PCNX2: variants seen among roughly 807,000 people sequenced by gnomAD.
PCNX2 encodes pecanex-like protein 2.
PCNX2 carries 168 observed loss-of-function variants against 223.8 expected under a neutral mutation model. The ratio of observed to expected loss-of-function variants is 0.75; its 90% CI spans 0.66 to 0.85. PCNX2 has a LOEUF of 0.85. Ranked by LOEUF, PCNX2 falls within the 40% of genes least tolerant of loss-of-function variation. The probability of loss-of-function intolerance (pLI) is 0.00; values close to 1 mark genes in which losing one functional copy is unlikely to be tolerated. For synonymous variants in PCNX2, 1,006 were observed against 1,052.6 expected, an observed-to-expected ratio of 0.96 and a Z score of 0.86; for missense variants, 2,507 against 2,675.5, an observed-to-expected ratio of 0.94 and a Z score of 1.39.
At position 232,990,652 on chromosome 1, in the gene PCNX2, A is replaced by G. The variant is rs559035537; in HGVS notation, c.5792-4112T>C. ...CTGCTGAGCCCAGATCATGCTTACCACCCAGCCCAGCACCTCAGAGGTTTC... is the reference window on the plus strand; with the variant it reads ...CTGCTGAGCCCAGATCATGCTTACCGCCCAGCCCAGCACCTCAGAGGTTTC... On this transcript the variant is annotated intron_variant, in intron 32 of 33. Transcript: ENST00000258229. This position sits in a 1 kb window ranked among gnomAD's most constrained non-coding sequence, Gnocchi z 4.3. Among the ~76,000 whole-genome samples, 63 of 152,054 alleles carry G rather than the reference A, an allele frequency of 4.1e-4. No individual in the cohort carries two copies. The highest frequency in any genetic ancestry group is 1.5e-3 in the African/African-American group (62 of 41,460).
At chr1:233,274,946 G>A (rs1010467341) in intron 1 of PCNX2, among the ~76,000 whole-genome samples, 2 of 152,184 alleles carry the variant, frequency 1.3e-5, no homozygotes, top group African/African-American at 4.8e-5. Context: ...GGAGACAGAA[G>A]TAGAACCAGC....
chr1:233,293,244 G>A (rs1259820288), intron 1 of PCNX2, among the ~76,000 whole-genome samples: 3 of 152,148 alleles, frequency 2.0e-5, no homozygotes, highest in African/African-American at 7.2e-5. Flanking sequence ...TCTGAGGAGT[G>A]GAATTATAGG....
chr1:233,057,993 G>A (rs1435872981), intron 23 of PCNX2: 2 of 985,250 alleles, frequency 2.0e-6, no homozygotes, highest in Non-Finnish European at 2.4e-6. Flanking sequence ...TCCACCACCT[G>A]CTTTCAAGAG....
chr1:233,161,462 A>T, intron 17 of PCNX2, 99 bp from the exon 18 acceptor site: 2 of 1,030,600 alleles, frequency 1.9e-6, no homozygotes, highest in Admixed American at 2.0e-5. Context: ...CCCAAGATAA[A>T]CTGTTTTTCC....
intron 9 of PCNX2, among the ~76,000 whole-genome samples, chr1:233,232,470 A>G (rs1264319548): frequency 6.6e-6 from 1 of 152,242 alleles, no homozygotes; most frequent in Non-Finnish European, 1.5e-5. Flanking sequence ...TTATAGGGAC[A>G]TAAACCCATT....
chr1:233,066,251 T>C (rs1040892219), intron 23 of PCNX2, among the ~76,000 whole-genome samples: 3 of 152,218 alleles, frequency 2.0e-5, no homozygotes, highest in Non-Finnish European at 4.4e-5. Context: ...AAAAGCACTG[T>C]CACACATCTC....
intron 5 of PCNX2, 65 bp downstream of exon 5, chr1:233,257,963 C>A: frequency 1.3e-6 from 2 of 1,522,882 alleles, no homozygotes; most frequent in Non-Finnish European, 1.8e-6. Flanking sequence ...TTACACAAGG[C>A]AAATGGCAAA....
intron 26 of PCNX2, among the ~76,000 whole-genome samples, chr1:233,024,501 C>T (rs1671015431): frequency 6.6e-6 from 1 of 152,190 alleles, no homozygotes; most frequent in Admixed American, 6.5e-5. Context: ...CTGCCCCTTC[C>T]CCTTCAGAAA....
intron 21 of PCNX2, among the ~76,000 whole-genome samples, chr1:233,120,523 T>C (rs903462795): frequency 1.3e-5 from 2 of 152,206 alleles, no homozygotes; most frequent in African/African-American, 4.8e-5. Flanking sequence ...ATAGCCACTC[T>C]GGCATTTTCC....
At chr1:233,183,382 T>C (rs958988692) in intron 15 of PCNX2, among the ~76,000 whole-genome samples, 2 of 152,204 alleles carry the variant, frequency 1.3e-5, no homozygotes, top group Admixed American at 6.5e-5. Flanking sequence ...CCCTGACATA[T>C]CCTTGCGAGA....
chr1:233,217,344 T>A lies in PCNX2; in HGVS notation c.2691+555A>T, dbSNP rs532726151. ...CCCCATAAGTATATACAATAAATTTTAAAAATAAGAATAATCATTCATGCC... is the reference window on the plus strand; with the variant it reads ...CCCCATAAGTATATACAATAAATTTAAAAAATAAGAATAATCATTCATGCC... On this transcript the variant is annotated intron_variant, in intron 12 of 33. Coordinates refer to ENST00000258229, the MANE Select transcript of PCNX2 (RefSeq NM_014801.4). Among the ~76,000 whole-genome samples the A allele has an allele frequency of 9.9e-4, 151 of 152,246 alleles. 3 individuals are homozygous for A. The highest frequency in any genetic ancestry group is 3.8e-4 in the Non-Finnish European group (26 of 68,022).
chr1:233,070,984 C>T (rs574795491), intron 23 of PCNX2, among the ~76,000 whole-genome samples: 164 of 152,016 alleles, frequency 1.1e-3, no homozygotes, highest in East Asian at 1.9e-3. Context: ...TGCAGTGAGC[C>T]GAGATCATGC....
At chr1:233,014,576 C>A (rs1435528916) in intron 28 of PCNX2, 89 bp downstream of exon 28, 1 of 1,022,124 alleles carries the variant, frequency 9.8e-7, no homozygotes, top group Admixed American at 2.1e-5. Flanking sequence ...AGTCCAGCTT[C>A]AAAATAAAGG....
intron 26 of PCNX2, among the ~76,000 whole-genome samples, chr1:233,017,527 A>G (rs917646445): frequency 6.6e-5 from 10 of 152,068 alleles, no homozygotes; most frequent in South Asian, 2.1e-4. Flanking sequence ...CATGTTAGCC[A>G]GGATGGTCTC....
chr1:233,177,808 A>C lies in PCNX2; in HGVS notation c.3267T>G (p.Asp1089Glu), dbSNP rs1383672648. ...CACAACGCAAATGTCTCACCACTGA[A>C]TCTTTCATCTTCTTGGGGAGAGGGT... ...AADPLPKKMKDSVTDVLKWDL... is the reference protein window; with the variant it reads ...AADPLPKKMKESVTDVLKWDL... The change falls in exon 17 of 34, where the codon GAT becomes GAG. Residue 1089 changes from aspartate (D) to glutamate (E), a missense_variant. This residue lies in a region of PCNX2 where 1,372 missense variants were observed against 1,509.4 expected (regional missense o/e 0.91). Transcript: ENST00000258229. 2 of 1,612,654 alleles carry C rather than the reference A, an allele frequency of 1.2e-6. No individual in the cohort carries two copies. The highest frequency in any genetic ancestry group is 1.7e-5 in the Admixed American group (1 of 60,004).
chr1:233,314,219 T>A, the PCNX2 span, among the ~76,000 whole-genome samples: 1 of 152,144 alleles, frequency 6.6e-6, no homozygotes, highest in Non-Finnish European at 1.5e-5. Context: ...ATTTATATGA[T>A]ACATATATAT....
At chr1:233,138,107 A>G (rs911975083) in intron 20 of PCNX2, among the ~76,000 whole-genome samples, 3 of 152,180 alleles carry the variant, frequency 2.0e-5, no homozygotes, top group Admixed American at 6.6e-5. Context: ...AATTCTACAG[A>G]TGCATCAGGA....
chr1:233,131,854 T>C (rs1676523218), intron 21 of PCNX2, among the ~76,000 whole-genome samples: 2 of 152,314 alleles, frequency 1.3e-5, no homozygotes, highest in South Asian at 4.1e-4. Context: ...TCTGAAATTA[T>C]TCATATTTTA....
intron 1 of PCNX2, chr1:233,289,499 A>G (rs1661637800): frequency 3.8e-6 from 3 of 787,646 alleles, no homozygotes; most frequent in Non-Finnish European, 6.6e-6. Flanking sequence ...GAGCAGAAGG[A>G]TGCCTTTTAA....
Sources: gnomAD v4.1 joint callset for allele counts (sites outside exome capture counted in the v4.1 genomes callset) on GRCh38, gnomAD v4.1.1 for gene constraint, gnomAD v4.1.1 regional missense constraint, Gnocchi (gnomAD v3.1) non-coding constraint, MANE v1.5 for transcripts, NCBI Gene and HGNC (gene_info 2026-07-23, HGNC 2026-07-21) for gene names.